MBD5: variants seen among roughly 807,000 people sequenced by gnomAD.
MBD5 encodes methyl-CpG-binding domain protein 5.
Under a neutral mutation model 117.3 loss-of-function variants are expected in MBD5, and 13 were observed. That is an observed-to-expected ratio of 0.11 (90% CI 0.07 to 0.18). The LOEUF is 0.18. Among genes scored for constraint, MBD5 ranks in the 10% least tolerant of loss-of-function variants. The pLI is 1.00. For missense variants in MBD5, 1,879 were observed against 2,093.8 expected (o/e 0.90, Z 2.00); for synonymous variants, 727 against 766.4 (o/e 0.95, Z 0.85).
chr2:148,091,686 A>C (rs1431271017), intron 1 of MBD5, among the ~76,000 whole-genome samples: 2 of 152,212 alleles, frequency 1.3e-5, no homozygotes, highest in Non-Finnish European at 2.9e-5. Flanking sequence ...TAAATATAAG[A>C]CCTGAAACCA....
chr2:148,057,408 G>A (rs1414891895), intron 1 of MBD5, among the ~76,000 whole-genome samples: 1 of 151,148 alleles, frequency 6.6e-6, no homozygotes, highest in African/African-American at 2.4e-5. Context: ...TGTTATATAA[G>A]GTTTTTGTTT....
intron 4 of MBD5, among the ~76,000 whole-genome samples, chr2:148,396,447 T>C (rs1704717129): frequency 6.6e-6 from 1 of 152,246 alleles, no homozygotes; most frequent in African/African-American, 2.4e-5. Context: ...ATCTACACTT[T>C]CACAGTGCTG....
At chr2:148,052,007 A>T (rs537238271) in intron 1 of MBD5, among the ~76,000 whole-genome samples, 1 of 151,970 alleles carries the variant, frequency 6.6e-6, no homozygotes, top group South Asian at 2.1e-4. Context: ...GTCAGTAGTG[A>T]CATTCTTGTT....
intron 3 of MBD5, among the ~76,000 whole-genome samples, chr2:148,248,829 A>G (rs1257720661): frequency 6.6e-6 from 1 of 152,114 alleles, no homozygotes; most frequent in Admixed American, 6.5e-5. Context: ...AGAAACATCT[A>G]TCTATAGGTG....
chr2:148,167,463 A>T (rs1698153855), intron 1 of MBD5, among the ~76,000 whole-genome samples: 1 of 152,212 alleles, frequency 6.6e-6, no homozygotes, highest in Admixed American at 6.5e-5. Flanking sequence ...AGTCACTGTT[A>T]GACCTATTCA....
intron 12 of MBD5, among the ~76,000 whole-genome samples, chr2:148,507,382 A>G (rs1682065053): frequency 6.6e-6 from 1 of 152,268 alleles, no homozygotes. Flanking sequence ...AAAGTCATGA[A>G]GTATCACATA....
At position 148,187,043 on chromosome 2, in the gene MBD5, G is replaced by C. The variant is rs186281479; in HGVS notation, c.-831+8250G>C. On this transcript the variant is annotated intron_variant, in intron 2 of 13. Transcript: ENST00000642680. ...ACATTGCCAATTAAAAAGATCAATA[G>C]ACTTGAAGAAAGTATGAAAAACTGA... 5.3e-5 allele frequency among the ~76,000 whole-genome samples: 8 copies of C among 152,252 alleles called. No homozygotes were observed. The East Asian group carries it at 1.4e-3, about 26-fold the overall frequency.
chr2:148,420,568 GTA>G (rs1269941110), intron 4 of MBD5, among the ~76,000 whole-genome samples: 7 of 151,966 alleles, frequency 4.6e-5, no homozygotes, highest in Non-Finnish European at 5.9e-5. Context: ...GTGTATTTGT[GTA>G]TATGTTTTTA....
chr2:148,319,305 A>G (rs1702229335), intron 3 of MBD5, among the ~76,000 whole-genome samples: 1 of 152,118 alleles, frequency 6.6e-6, no homozygotes, highest in African/African-American at 2.4e-5. Context: ...GGTGCTGCTA[A>G]TTTGATAGGG....
At chr2:148,180,350 ATATATATATATG>A (rs199773539) in intron 2 of MBD5, among the ~76,000 whole-genome samples, 19 of 129,710 alleles carry the variant, frequency 1.5e-4, no homozygotes, top group African/African-American at 4.7e-4. Flanking sequence ...ATACATATAT[ATATATATATATG>A]TATATATGTA....
At chr2:148,350,962 A>T (rs1703234563) in intron 4 of MBD5, among the ~76,000 whole-genome samples, 1 of 152,038 alleles carries the variant, frequency 6.6e-6, no homozygotes, top group Non-Finnish European at 1.5e-5. Flanking sequence ...TACTGCCATT[A>T]GTTATTATGC....
At chr2:148,144,444 T>A (rs552374954) in intron 1 of MBD5, among the ~76,000 whole-genome samples, 2 of 152,352 alleles carry the variant, frequency 1.3e-5, no homozygotes, top group South Asian at 4.1e-4. Context: ...AGAAGCTCTT[T>A]AGTTTAATTA....
intron 4 of MBD5, among the ~76,000 whole-genome samples, chr2:148,364,712 G>T (rs1007854737): frequency 6.6e-6 from 1 of 152,026 alleles, no homozygotes; most frequent in Non-Finnish European, 1.5e-5. Context: ...GTAAAAGAGG[G>T]TTTAAACCAA....
intron 4 of MBD5, among the ~76,000 whole-genome samples, chr2:148,427,589 T>C (rs147181086): frequency 4.0e-5 from 6 of 150,210 alleles, no homozygotes; most frequent in Non-Finnish European, 7.4e-5. Context: ...AATTGAACAA[T>C]GAAAACACAT....
At chr2:148,287,731 G>T (rs186811303) in intron 3 of MBD5, among the ~76,000 whole-genome samples, 1 of 152,296 alleles carries the variant, frequency 6.6e-6, no homozygotes, top group Admixed American at 6.5e-5. Context: ...AATAGAGCAT[G>T]TGTATAAGAT....
chr2:148,380,707 T>C (rs536488404), intron 4 of MBD5, among the ~76,000 whole-genome samples: 19 of 152,208 alleles, frequency 1.2e-4, no homozygotes, highest in Admixed American at 2.6e-4. Context: ...GTAGCCTAAC[T>C]GGGAGGCACC....
intron 3 of MBD5, among the ~76,000 whole-genome samples, chr2:148,310,467 A>G (rs911498766): frequency 1.3e-5 from 2 of 152,104 alleles, no homozygotes; most frequent in African/African-American, 4.8e-5. Context: ...GGTAGTTTGT[A>G]TTTCTGGGGG....
At chr2:148,421,289 G>A (rs1559063893) in intron 4 of MBD5, among the ~76,000 whole-genome samples, 1 of 152,296 alleles carries the variant, frequency 6.6e-6, no homozygotes, top group East Asian at 1.9e-4. Context: ...CCAAAGCAGG[G>A]TGGGGCATCG....
At chr2:148,143,171 C>A (rs1697359511) in intron 1 of MBD5, among the ~76,000 whole-genome samples, 1 of 152,186 alleles carries the variant, frequency 6.6e-6, no homozygotes, top group East Asian at 1.9e-4. Context: ...TTGGAAAGTG[C>A]AACTTTAAAC....
Sources: allele counts gnomAD v4.1 joint callset (sites outside exome capture counted in the v4.1 genomes callset), GRCh38; gene constraint gnomAD v4.1.1; transcripts MANE v1.5; gene names NCBI Gene and HGNC (gene_info 2026-07-23, HGNC 2026-07-21).